The following ARHGAP8 variants were observed in gnomAD, a reference collection of about 807,000 sequenced individuals.
The protein encoded by ARHGAP8 is rho GTPase-activating protein 8.
In ARHGAP8, 62 loss-of-function variants were observed where a neutral mutation model predicts 46.1. The observed-to-expected ratio is 1.34, with a 90% CI of 1.10 to 1.66. The LOEUF (loss-of-function observed/expected upper bound fraction) is 1.66, where lower values mean the gene tolerates loss of function less well. Ranked by LOEUF, ARHGAP8 falls within the 40% of genes most tolerant of loss-of-function variation. The pLI, the probability that ARHGAP8 is intolerant of heterozygous loss-of-function variation, is 0.00. For missense variants in ARHGAP8, 923 were observed against 568.4 expected (o/e 1.62, Z -6.34); for synonymous variants, 375 against 243.1 (o/e 1.54, Z -5.05).
rs374070656 is a variant in ARHGAP8, at chr22:44,859,822, C to T, written c.969C>T (p.Gly323=). ...HNYVVLRYLM[G]FLHAVSRESI... ...ACGTCGTCCTCCGCTACCTCATGGG[C>T]TTCCTGCATGCGGTGAGTGGGGAAG... The change falls in exon 11 of 12, where the codon GGC becomes GGT. Residue 323 remains glycine (G), a synonymous_variant. Transcript: ENST00000356099. 6.2e-7 allele frequency: 1 copy of T among 1,613,784 alleles called. No homozygotes were observed. Among genetic ancestry groups the T allele is most frequent in the South Asian group, 1.1e-5 (1 of 91,060 alleles).
chr22:44,803,394 G>A (rs1051688896), intron 3 of ARHGAP8, among the ~76,000 whole-genome samples: 5 of 152,148 alleles, frequency 3.3e-5, no homozygotes, highest in East Asian at 1.9e-4. Flanking sequence ...ACCTTTTACT[G>A]CATTGAACAG....
intron 9 of ARHGAP8, 108 bp from the exon 10 acceptor site, chr22:44,848,824 A>G: frequency 6.5e-7 from 1 of 1,549,482 alleles, no homozygotes; most frequent in South Asian, 1.2e-5. Context: ...CTCCAGCATC[A>G]GGTGCGTCCC....
chr22:44,809,361 A>G (rs903088055), intron 4 of ARHGAP8: 3 of 368,094 alleles, frequency 8.2e-6, no homozygotes, highest in African/African-American at 2.1e-5. Context: ...GGCTAGGTTC[A>G]TCCTGCCTGC....
At chr22:44,822,292 C>CGG in intron 5 of ARHGAP8, 79 bp from the exon 6 acceptor site, 4 of 1,185,826 alleles carry the variant, frequency 3.4e-6, no homozygotes, top group Non-Finnish European at 3.6e-6. Context: ...CTGCCGCCAA[C>CGG]TCCCCCTCCC....
chr22:44,827,221 A>G (rs186369230), intron 7 of ARHGAP8, among the ~76,000 whole-genome samples: 77 of 152,094 alleles, frequency 5.1e-4, no homozygotes, highest in African/African-American at 1.7e-3. Context: ...CTAGAAACTG[A>G]AAAAGGCAAG....
chr22:44,814,081 G>A (rs982739319), intron 4 of ARHGAP8, among the ~76,000 whole-genome samples: 2 of 152,186 alleles, frequency 1.3e-5, no homozygotes, highest in Non-Finnish European at 2.9e-5. Context: ...CTGGTTGGCT[G>A]CCTACCTTTC....
chr22:44,816,888 T>C (rs558187929), intron 5 of ARHGAP8, among the ~76,000 whole-genome samples: 27 of 144,988 alleles, frequency 1.9e-4, no homozygotes, highest in South Asian at 6.5e-4. Context: ...TTCTTTCTTT[T>C]TTTTTTTTTT....
chr22:44,778,320 C>T lies in ARHGAP8; in HGVS notation c.-71-8137C>T, dbSNP rs143123286. ...GAGTTACTTCACTTAGAATAACAGT[C>T]TCCAATCTCATCCAAGTTGCTATGA... is the stretch of plus-strand genomic sequence containing the variant. On this transcript the variant is annotated intron_variant, in intron 1 of 11. Transcript: ENST00000356099. Among the ~76,000 whole-genome samples, 50 of 152,262 alleles carry T rather than the reference C, an allele frequency of 3.3e-4. No homozygotes were observed. The East Asian group carries it at 9.5e-3, about 29-fold the overall frequency.
chr22:44,814,837 C>G, intron 5 of ARHGAP8, 79 bp downstream of exon 5: 1 of 1,523,594 alleles, frequency 6.6e-7, no homozygotes, highest in Non-Finnish European at 9.0e-7. Flanking sequence ...CCTTCCCTAT[C>G]CACGCATCAT....
chr22:44,857,777 G>T (rs1360695539), intron 10 of ARHGAP8, among the ~76,000 whole-genome samples: 1 of 151,958 alleles, frequency 6.6e-6, no homozygotes, highest in African/African-American at 2.4e-5. Flanking sequence ...GTGACCTCGG[G>T]CTAGTCACCT....
intron 7 of ARHGAP8, among the ~76,000 whole-genome samples, chr22:44,842,249 C>T (rs1460846533): frequency 2.0e-5 from 3 of 152,078 alleles, no homozygotes; most frequent in African/African-American, 4.8e-5. Flanking sequence ...CCCAGCTACT[C>T]GGGAGGCTGA....
At position 44,848,064 on chromosome 22, in the gene ARHGAP8, G is replaced by T; in HGVS notation, c.748+14G>T. The T allele has an allele frequency of 1.2e-6, 2 of 1,604,176 alleles. No individual in the cohort carries two copies. The highest frequency in any genetic ancestry group is 8.5e-7 in the Non-Finnish European group (1 of 1,179,778). On this transcript the variant is annotated intron_variant, in intron 9 of 11. Transcript: ENST00000356099. The stretch of plus-strand genomic sequence containing the variant: ...TCTACAACCAAGGTGAGGGTGTCCC[G>T]CAGTCCTGAGCCCCGAGCTGCCTGG...
At chr22:44,859,618 G>A in intron 10 of ARHGAP8, 113 bp from the exon 11 acceptor site, 1 of 1,163,136 alleles carries the variant, frequency 8.6e-7, no homozygotes, top group Non-Finnish European at 1.2e-6. Flanking sequence ...CCAAATGTGG[G>A]ATAGTCCATC....
At chr22:44,788,799 C>T (rs1047283298) in intron 2 of ARHGAP8, among the ~76,000 whole-genome samples, 9 of 152,260 alleles carry the variant, frequency 5.9e-5, no homozygotes, top group Non-Finnish European at 7.3e-5. Context: ...TAAAGCTCTT[C>T]GAAGTCCTTA....
intron 5 of ARHGAP8, among the ~76,000 whole-genome samples, chr22:44,817,412 T>C (rs1929829299): frequency 6.6e-6 from 1 of 152,240 alleles, no homozygotes; most frequent in South Asian, 2.1e-4. Context: ...AGGTGAGGTT[T>C]TGTTTGTGTT....
At chr22:44,777,819 C>T (rs184549631) in intron 1 of ARHGAP8, among the ~76,000 whole-genome samples, 5 of 152,196 alleles carry the variant, frequency 3.3e-5, no homozygotes, top group Non-Finnish European at 5.9e-5. Flanking sequence ...CCTGACCCTC[C>T]CAAGTAGCTG....
chr22:44,857,784 A>C (rs919756566), intron 10 of ARHGAP8, among the ~76,000 whole-genome samples: 6 of 151,456 alleles, frequency 4.0e-5, no homozygotes, highest in African/African-American at 1.4e-4. Flanking sequence ...CGGGCTAGTC[A>C]CCTAACCTCT....
At chr22:44,849,485 C>G (rs1290859168) in intron 10 of ARHGAP8, 2 of 219,214 alleles carry the variant, frequency 9.1e-6, no homozygotes, top group Non-Finnish European at 1.8e-5. Context: ...ATCACAGGAA[C>G]TGAGCAGCTA....
chr22:44,769,836 G>A (rs1925866140), intron 1 of ARHGAP8, among the ~76,000 whole-genome samples: 1 of 152,228 alleles, frequency 6.6e-6, no homozygotes, highest in Admixed American at 6.5e-5. Flanking sequence ...GAGAACTGGA[G>A]TTATGACTCA....
Sources: allele counts gnomAD v4.1 joint callset (sites outside exome capture counted in the v4.1 genomes callset), GRCh38; gene constraint gnomAD v4.1.1; transcripts MANE v1.5; gene names NCBI Gene and HGNC (gene_info 2026-07-23, HGNC 2026-07-21).